The following APBB2 variants were observed in gnomAD, a reference collection of about 807,000 sequenced individuals.
The protein encoded by APBB2 is Fe65-like 1.
Under a neutral mutation model 82.5 loss-of-function variants are expected in APBB2, and 38 were observed. The observed-to-expected ratio is 0.46, with a 90% CI of 0.36 to 0.60. The LOEUF (loss-of-function observed/expected upper bound fraction) is 0.60, where lower values mean the gene tolerates loss of function less well. APBB2 is among the 20% of genes least tolerant of loss of function. APBB2 has a pLI of 0.00. For missense variants in APBB2, 772 were observed against 972.3 expected (o/e 0.79, Z 2.74); for synonymous variants, 341 against 368.2 (o/e 0.93, Z 0.85).
At chr4:41,095,279 G>A (rs1033059619) in intron 3 of APBB2, among the ~76,000 whole-genome samples, 3 of 152,190 alleles carry the variant, frequency 2.0e-5, no homozygotes, top group Admixed American at 2.0e-4. Context: ...AACAGGCAAA[G>A]TTCTTAGTAC....
chr4:40,825,074 A>G (rs1442532941), intron 15 of APBB2, among the ~76,000 whole-genome samples: 1 of 152,108 alleles, frequency 6.6e-6, no homozygotes, highest in Non-Finnish European at 1.5e-5. Flanking sequence ...ATAAAATTCC[A>G]CTGTATGGAA....
intron 6 of APBB2, among the ~76,000 whole-genome samples, chr4:40,980,101 C>T (rs1043362370): frequency 6.6e-6 from 1 of 152,214 alleles, no homozygotes; most frequent in Non-Finnish European, 1.5e-5. Flanking sequence ...CGGCTCACTG[C>T]AACCTCCGCC....
intron 5 of APBB2, among the ~76,000 whole-genome samples, chr4:41,033,034 C>T (rs182174260): frequency 6.6e-5 from 10 of 152,088 alleles, no homozygotes; most frequent in African/African-American, 1.2e-4. Flanking sequence ...CCGCCGGTCT[C>T]GGCCTCCCAA....
intron 1 of APBB2, among the ~76,000 whole-genome samples, chr4:41,184,524 C>T (rs1197496466): frequency 1.1e-4 from 16 of 152,168 alleles, no homozygotes; most frequent in Non-Finnish European, 2.2e-4. Flanking sequence ...TTCCTTTAGA[C>T]CTCTGTTTAA....
At chr4:41,002,913 C>CTA (rs34265575) in intron 6 of APBB2, among the ~76,000 whole-genome samples, 128,411 of 151,934 alleles carry the variant, frequency 0.85, 54,306 homozygotes, top group East Asian at 0.89. Context: ...TAATAAAATC[C>CTA]TATGTTTCCT....
At chr4:41,081,240 C>G (rs540561105) in intron 3 of APBB2, among the ~76,000 whole-genome samples, 1 of 152,172 alleles carries the variant, frequency 6.6e-6, no homozygotes, top group Admixed American at 6.5e-5. Flanking sequence ...CACAACAGGA[C>G]AGTGATTCTG....
intron 10 of APBB2, among the ~76,000 whole-genome samples, chr4:40,934,084 G>T (rs139573490): frequency 6.6e-6 from 1 of 152,206 alleles, no homozygotes; most frequent in East Asian, 1.9e-4. Flanking sequence ...CTCTGGTGGC[G>T]GTAGGTGGGA....
chr4:40,893,443 C>T, intron 10 of APBB2, 32 bp from the exon 11 acceptor site: 1 of 1,578,386 alleles, frequency 6.3e-7, no homozygotes, highest in Non-Finnish European at 8.6e-7. Context: ...CAAGAAGTCA[C>T]TCCATGGTTT....
At chr4:40,902,772 C>T (rs897373035) in intron 10 of APBB2, among the ~76,000 whole-genome samples, 1 of 152,176 alleles carries the variant, frequency 6.6e-6, no homozygotes, top group African/African-American at 2.4e-5. Flanking sequence ...TCAAGTGATC[C>T]TCCCACCTTG....
chr4:41,188,211 A>T lies in APBB2; in HGVS notation c.-417+26194T>A, dbSNP rs78949358. Among the ~76,000 whole-genome samples the T allele has an allele frequency of 5.9e-3, 892 of 152,340 alleles. 7 individuals are homozygous for T. The highest frequency in any genetic ancestry group is 0.02 in the African/African-American group (833 of 41,574). ...GCTTTGCCATCATGAAGGTGAGAAA[A>T]AAATGAAGACATCTGGGGACTGAAA... On this transcript the variant is annotated intron_variant, in intron 1 of 17. Coordinates refer to ENST00000508593, the MANE Select transcript of APBB2 (RefSeq NM_004307.2).
intron 3 of APBB2, among the ~76,000 whole-genome samples, chr4:41,074,756 T>C (rs971217621): frequency 1.1e-4 from 17 of 151,764 alleles, no homozygotes; most frequent in South Asian, 2.1e-4. Context: ...ACTACAGGCA[T>C]CCGCCACCAG....
At chr4:40,822,275 G>C in intron 16 of APBB2, 1 of 537,532 alleles carries the variant, frequency 1.9e-6, no homozygotes, top group Non-Finnish European at 3.3e-6. Context: ...TGCTGTCATG[G>C]GGTGTGATGT....
intron 10 of APBB2, among the ~76,000 whole-genome samples, chr4:40,913,596 G>A (rs184171835): frequency 1.3e-5 from 2 of 152,132 alleles, no homozygotes; most frequent in South Asian, 2.1e-4. Context: ...GTGCTTTTGC[G>A]GTCATTTGTG....
Position 40,966,336 on chromosome 4 carries a change from G to A in APBB2, c.836-21263C>T, listed in dbSNP as rs543137744. 2.0e-5 allele frequency among the ~76,000 whole-genome samples: 3 copies of A among 152,312 alleles called. No homozygotes were observed. The East Asian group carries it at 5.8e-4, about 29-fold the overall frequency. ...TTTCGTCTTTGTGATGGCAGCGGTA[G>A]CCCATCTGGAGTGCTGCTATGATGC... is the stretch of plus-strand genomic sequence containing the variant. On this transcript the variant is annotated intron_variant, in intron 6 of 17. Transcript: ENST00000508593.
intron 10 of APBB2, among the ~76,000 whole-genome samples, chr4:40,924,102 G>A (rs1296926899): frequency 2.0e-5 from 3 of 152,196 alleles, no homozygotes; most frequent in African/African-American, 7.2e-5. Flanking sequence ...GTGCAAGCTT[G>A]GGCAGGTTAC....
chr4:40,845,696 T>G (rs1354234312), intron 12 of APBB2, among the ~76,000 whole-genome samples: 1 of 150,610 alleles, frequency 6.6e-6, no homozygotes, highest in East Asian at 2.0e-4. Flanking sequence ...AGCCACCTAC[T>G]TCTCATGCTG....
At chr4:40,938,600 T>C (rs981259029) in intron 7 of APBB2, among the ~76,000 whole-genome samples, 2 of 152,142 alleles carry the variant, frequency 1.3e-5, no homozygotes, top group African/African-American at 2.4e-5. Context: ...AAAGACTAAG[T>C]CTCAGGGGCT....
chr4:40,816,322 C>CT (rs1745629565), intron 17 of APBB2, 63 bp from the exon 18 acceptor site: 33 of 1,564,678 alleles, frequency 2.1e-5, no homozygotes, highest in Non-Finnish European at 1.8e-5. Flanking sequence ...TTTAATATGA[C>CT]TTTAAGTCAT....
At position 41,048,637 on chromosome 4, in the gene APBB2, A is replaced by C. The variant is rs1284358324; in HGVS notation, c.-50-15333T>G. Among the ~76,000 whole-genome samples the C allele has an allele frequency of 1.4e-4, 19 of 138,602 alleles. 1 individual carries two copies. In the East Asian group the frequency reaches 2.4e-3, roughly 17 times the overall value. The allele number at this position is 138,602 out of a possible 152,430, so 90.9% of individuals were successfully genotyped here. A position where few individuals can be genotyped will look rare whatever the true frequency, so the allele number is the denominator to read the frequency against. On this transcript the variant is annotated intron_variant, in intron 4 of 17. Transcript: ENST00000508593. ...AAATAAAAATATTCTCCCTCTCCCT[A>C]TCCCTCCCCCTCCCCCTCCCTCTCC...
Sources: gnomAD v4.1 joint callset for allele counts (sites outside exome capture counted in the v4.1 genomes callset) on GRCh38, gnomAD v4.1.1 for gene constraint, MANE v1.5 for transcripts, NCBI Gene and HGNC (gene_info 2026-07-23, HGNC 2026-07-21) for gene names.